Variants in KIF16B observed in about 807,000 individuals in gnomAD.
The protein encoded by KIF16B is kinesin family member 16B, also known as kinesin-like protein KIF16B.
KIF16B carries 98 observed loss-of-function variants against 156.3 expected under a neutral mutation model. The observed-to-expected ratio is 0.63, with a 90% confidence interval of 0.53 to 0.74. KIF16B has a LOEUF of 0.74. Ranked by LOEUF, KIF16B falls within the 30% of genes least tolerant of loss-of-function variation. The pLI is 0.00. For missense variants in KIF16B, 1,421 were observed against 1,606.5 expected (o/e 0.88, Z 1.97); for synonymous variants, 564 against 583.7 (o/e 0.97, Z 0.49).
At chr20:16,276,776 C>T (rs1421139488) in intron 25 of KIF16B, among the ~76,000 whole-genome samples, 1 of 152,218 alleles carries the variant, frequency 6.6e-6, no homozygotes, top group Non-Finnish European at 1.5e-5. Context: ...GACAGTGTCT[C>T]ATTCTTCTCT....
chr20:16,481,741 G>C (rs1328877170), intron 12 of KIF16B, among the ~76,000 whole-genome samples: 2 of 152,186 alleles, frequency 1.3e-5, no homozygotes, highest in African/African-American at 2.4e-5. Flanking sequence ...GGAGAATTCA[G>C]AGCTATTTGG....
At chr20:16,292,688 G>C (rs948864846) in intron 25 of KIF16B, among the ~76,000 whole-genome samples, 3 of 152,166 alleles carry the variant, frequency 2.0e-5, no homozygotes, top group Non-Finnish European at 4.4e-5. Flanking sequence ...AACTTAGTGG[G>C]CATGAGACAG....
At chr20:16,484,431 C>T (rs2068062274) in intron 12 of KIF16B, among the ~76,000 whole-genome samples, 1 of 152,192 alleles carries the variant, frequency 6.6e-6, no homozygotes, top group Non-Finnish European at 1.5e-5. Flanking sequence ...TTCTTTATTA[C>T]TTTGCCTTTC....
chr20:16,505,892 A>T, intron 8 of KIF16B, 39 bp from the exon 9 acceptor site: 1 of 1,608,338 alleles, frequency 6.2e-7, no homozygotes, highest in Non-Finnish European at 8.5e-7. Context: ...AAGGACAATT[A>T]GTAAAATTTT....
intron 25 of KIF16B, among the ~76,000 whole-genome samples, chr20:16,311,701 C>A (rs923076093): frequency 2.0e-5 from 3 of 152,154 alleles, no homozygotes; most frequent in East Asian, 3.9e-4. Flanking sequence ...CTGGTCCCTG[C>A]CTTAGTGAAA....
intron 16 of KIF16B, among the ~76,000 whole-genome samples, chr20:16,405,973 G>A (rs952786111): frequency 1.3e-5 from 2 of 151,972 alleles, no homozygotes; most frequent in African/African-American, 2.4e-5. Flanking sequence ...CCCTGCTCTC[G>A]CTTCCCACCT....
At chr20:16,410,000 C>CATATATATATATGTACGTACAT (rs66507035) in intron 15 of KIF16B, among the ~76,000 whole-genome samples, 2 of 75,492 alleles carry the variant, frequency 2.6e-5, no homozygotes, top group Non-Finnish European at 4.8e-5. Context: ...TATGTAGGTA[C>CATATATATATATGTACGTACAT]ATATATATAT....
intron 3 of KIF16B, among the ~76,000 whole-genome samples, chr20:16,524,165 G>C (rs1434292763): frequency 6.6e-6 from 1 of 151,984 alleles, no homozygotes; most frequent in Non-Finnish European, 1.5e-5. Flanking sequence ...AAAGCAAAAG[G>C]TGACAAATGG....
chr20:16,350,893 G>T (rs1378729029), intron 23 of KIF16B, among the ~76,000 whole-genome samples: 7 of 131,922 alleles, frequency 5.3e-5, no homozygotes, highest in Admixed American at 5.0e-4. Context: ...GGTGGGCACT[G>T]GGGGGGGGTC....
At position 16,353,585 on chromosome 20, in the gene KIF16B, G is replaced by A. The variant is rs139205299; in HGVS notation, c.3621+2745C>T. On this transcript the variant is annotated intron_variant, in intron 23 of 25. Coordinates refer to ENST00000354981, the MANE Select transcript of KIF16B (RefSeq NM_024704.5). ...TCCTCATACCAACCCAATGAGGGGG[G>A]GGTTTATGATTCCCATTTGACAGGT... is the stretch of plus-strand genomic sequence containing the variant. Among the ~76,000 whole-genome samples the A allele has an allele frequency of 1.3e-3, 202 of 152,270 alleles. 1 individual carries two copies. The highest frequency in any genetic ancestry group is 4.6e-3 in the African/African-American group (191 of 41,526).
intron 12 of KIF16B, among the ~76,000 whole-genome samples, chr20:16,457,743 G>C (rs577354065): frequency 6.6e-6 from 1 of 151,946 alleles, no homozygotes; most frequent in Non-Finnish European, 1.5e-5. Flanking sequence ...TCATAGTAAG[G>C]CCTGCCCTAG....
At chr20:16,438,036 A>G (rs1159155325) in intron 12 of KIF16B, among the ~76,000 whole-genome samples, 1 of 151,858 alleles carries the variant, frequency 6.6e-6, no homozygotes, top group African/African-American at 2.4e-5. Flanking sequence ...AGTCCTAGCT[A>G]CTTGAGAGGC....
At chr20:16,479,877 T>A (rs1433788054) in intron 12 of KIF16B, among the ~76,000 whole-genome samples, 3 of 152,182 alleles carry the variant, frequency 2.0e-5, no homozygotes, top group Admixed American at 6.5e-5. Flanking sequence ...GAACACATCA[T>A]TGACACCAAG....
At chr20:16,336,389 T>C (rs1315070462) in intron 23 of KIF16B, among the ~76,000 whole-genome samples, 2 of 152,196 alleles carry the variant, frequency 1.3e-5, no homozygotes, top group Non-Finnish European at 2.9e-5. Flanking sequence ...ACAGTATATT[T>C]TGCTTTTTTT....
chr20:16,535,307 T>C (rs939223072), intron 1 of KIF16B, among the ~76,000 whole-genome samples: 1 of 152,208 alleles, frequency 6.6e-6, no homozygotes, highest in African/African-American at 2.4e-5. Flanking sequence ...TCATTATTGG[T>C]ATATACAAAT....
intron 24 of KIF16B, among the ~76,000 whole-genome samples, chr20:16,314,446 C>T: frequency 6.6e-6 from 1 of 152,140 alleles, no homozygotes; most frequent in Non-Finnish European, 1.5e-5. Context: ...GAAGGTAACA[C>T]CAAGGGATGG....
intron 12 of KIF16B, among the ~76,000 whole-genome samples, chr20:16,489,829 G>T (rs969412479): frequency 6.6e-6 from 1 of 152,046 alleles, no homozygotes; most frequent in African/African-American, 2.4e-5. Flanking sequence ...CCAGCTCCCC[G>T]GTGATGTTGA....
chr20:16,461,232 TAAGA>T (rs1300944417), intron 12 of KIF16B, among the ~76,000 whole-genome samples: 2 of 151,962 alleles, frequency 1.3e-5, no homozygotes, highest in Non-Finnish European at 2.9e-5. Context: ...AAATGAGTAG[TAAGA>T]AAGATATAGA....
chr20:16,445,276 A>G (rs762270717), intron 12 of KIF16B, among the ~76,000 whole-genome samples: 7 of 152,198 alleles, frequency 4.6e-5, no homozygotes, highest in Admixed American at 6.5e-5. Context: ...TTTTCCCCAA[A>G]GAAATCTATA....
Sources: allele counts gnomAD v4.1 joint callset (sites outside exome capture counted in the v4.1 genomes callset), GRCh38; gene constraint gnomAD v4.1.1; transcripts MANE v1.5; gene names NCBI Gene and HGNC (gene_info 2026-07-23, HGNC 2026-07-21).